TANC2: variants seen among roughly 807,000 people sequenced by gnomAD.
TANC2 encodes the protein protein TANC2.
Under a neutral mutation model 210.5 loss-of-function variants are expected in TANC2, and 26 were observed. The ratio of observed to expected loss-of-function variants is 0.12; its 90% CI spans 0.09 to 0.17. The LOEUF (loss-of-function observed/expected upper bound fraction) is 0.17. Ranked by LOEUF, TANC2 falls within the 10% of genes least tolerant of loss-of-function variation. The probability of loss-of-function intolerance (pLI) is 1.00; values close to 1 mark genes in which losing one functional copy is unlikely to be tolerated. For missense variants in TANC2, 2,129 were observed against 2,608.9 expected, an observed-to-expected ratio of 0.82 and a Z score of 4.01; for synonymous variants, 931 against 967.1, an observed-to-expected ratio of 0.96 and a Z score of 0.69.
chr17:63,039,368 C>T (rs17548527), intron 2 of TANC2, among the ~76,000 whole-genome samples: 1 of 152,128 alleles, frequency 6.6e-6, no homozygotes, highest in African/African-American at 2.4e-5. Flanking sequence ...CTGGCATACT[C>T]TTGTGCATTC....
At chr17:63,068,688 T>G (rs1186384980) in intron 2 of TANC2, among the ~76,000 whole-genome samples, 2 of 152,194 alleles carry the variant, frequency 1.3e-5, no homozygotes, top group Non-Finnish European at 2.9e-5. Flanking sequence ...TGATATAGTT[T>G]CATTACACTT....
intron 8 of TANC2, among the ~76,000 whole-genome samples, chr17:63,238,650 C>G (rs1301827880): frequency 6.6e-6 from 1 of 152,102 alleles, no homozygotes; most frequent in Non-Finnish European, 1.5e-5. Flanking sequence ...CACTAGCAAA[C>G]TCGGTTAAAA....
chr17:63,393,650 TA>T (rs1376059741), intron 17 of TANC2: 7 of 152,158 alleles, frequency 4.6e-5, no homozygotes, highest in African/African-American at 1.7e-4. Context: ...AATTAAGAAA[TA>T]TCTTTTAGGG....
chr17:63,154,131 A>C (rs995682676), intron 5 of TANC2: 1 of 152,188 alleles, frequency 6.6e-6, no homozygotes, highest in Non-Finnish European at 1.5e-5. Context: ...TTCTGCAGCT[A>C]CAACTGTGGA....
At chr17:63,369,123 C>G (rs374207338) in intron 14 of TANC2, among the ~76,000 whole-genome samples, 1 of 152,070 alleles carries the variant, frequency 6.6e-6, no homozygotes, top group East Asian at 1.9e-4. Context: ...ACTAAATTCC[C>G]CATGTCCTAA....
At chr17:63,358,197 G>A (rs1167482370) in intron 14 of TANC2, among the ~76,000 whole-genome samples, 1 of 152,204 alleles carries the variant, frequency 6.6e-6, no homozygotes, top group Non-Finnish European at 1.5e-5. Flanking sequence ...TAATGCTACA[G>A]CTGAGATTGA....
At chr17:63,221,240 G>A (rs369652071) in intron 7 of TANC2, among the ~76,000 whole-genome samples, 110 of 152,046 alleles carry the variant, frequency 7.2e-4, no homozygotes, top group African/African-American at 2.6e-3. Context: ...AGACCAGCCT[G>A]GCCAACATGG....
chr17:63,095,743 C>T (rs542565211), intron 3 of TANC2, among the ~76,000 whole-genome samples: 3 of 151,934 alleles, frequency 2.0e-5, no homozygotes, highest in Non-Finnish European at 2.9e-5. Context: ...GCTATTTACC[C>T]AGGAAAAAAT....
At chr17:63,035,654 G>A (rs983266111) in intron 2 of TANC2, among the ~76,000 whole-genome samples, 6 of 152,160 alleles carry the variant, frequency 3.9e-5, no homozygotes, top group African/African-American at 1.4e-4. Flanking sequence ...TATGAATAGA[G>A]CCACTATAAA....
chr17:62,981,290 C>A (rs1030092939), intron 1 of TANC2, among the ~76,000 whole-genome samples: 1 of 152,148 alleles, frequency 6.6e-6, no homozygotes, highest in Non-Finnish European at 1.5e-5. Context: ...TGCATCTTTA[C>A]CAATCTTATT....
chr17:62,998,171 CAGAGCT>C (rs943813745), intron 1 of TANC2, among the ~76,000 whole-genome samples: 1 of 152,132 alleles, frequency 6.6e-6, no homozygotes, highest in Admixed American at 6.6e-5. Flanking sequence ...GAATGAATCT[CAGAGCT>C]AGAAGACCAG....
intron 8 of TANC2, among the ~76,000 whole-genome samples, chr17:63,262,228 G>A (rs1210975211): frequency 1.3e-5 from 2 of 152,060 alleles, no homozygotes; most frequent in African/African-American, 4.8e-5. Flanking sequence ...TCACTCTGTC[G>A]CCCAGGCTGG....
chr17:62,974,543 A>T (rs1478228456), intron 1 of TANC2, among the ~76,000 whole-genome samples: 1 of 152,164 alleles, frequency 6.6e-6, no homozygotes, highest in Non-Finnish European at 1.5e-5. Flanking sequence ...TAACATATTC[A>T]TTCATTTAAA....
intron 4 of TANC2, among the ~76,000 whole-genome samples, chr17:63,122,046 A>G (rs902958883): frequency 1.4e-4 from 21 of 152,142 alleles, no homozygotes; most frequent in Non-Finnish European, 2.8e-4. Flanking sequence ...AGAGGCAAGG[A>G]TGAAAAACTC....
At chr17:63,391,179 C>G (rs1468138108) in intron 17 of TANC2, 1 of 152,090 alleles carries the variant, frequency 6.6e-6, no homozygotes, top group Non-Finnish European at 1.5e-5. Context: ...AGAAACCTAC[C>G]TAACCTAAAA....
intron 14 of TANC2, among the ~76,000 whole-genome samples, chr17:63,366,332 CAGGTTAGTGTT>C (rs1220733763): frequency 1.3e-5 from 2 of 152,190 alleles, no homozygotes; most frequent in African/African-American, 4.8e-5. Flanking sequence ...CCAAGACTTA[CAGGTTAGTGTT>C]TTTAACAGAC....
chr17:63,037,111 T>G (rs982933788), intron 2 of TANC2, among the ~76,000 whole-genome samples: 1 of 152,206 alleles, frequency 6.6e-6, no homozygotes, highest in African/African-American at 2.4e-5. Context: ...TGGTCTTTTC[T>G]CGCAAAATAT....
chr17:63,030,357 A>C (rs1448462366), intron 2 of TANC2, among the ~76,000 whole-genome samples: 1 of 152,148 alleles, frequency 6.6e-6, no homozygotes, highest in African/African-American at 2.4e-5. Flanking sequence ...CAGGTAAATT[A>C]ATTCTGAAGC....
intron 9 of TANC2, among the ~76,000 whole-genome samples, chr17:63,308,399 T>C (rs984763653): frequency 1.3e-5 from 2 of 152,110 alleles, no homozygotes; most frequent in African/African-American, 4.8e-5. Context: ...TAGTGAGTAG[T>C]AGTCTTCAGG....
Sources: allele counts gnomAD v4.1 joint callset (sites outside exome capture counted in the v4.1 genomes callset), GRCh38; gene constraint gnomAD v4.1.1; transcripts MANE v1.5; gene names NCBI Gene and HGNC (gene_info 2026-07-23, HGNC 2026-07-21).